BMPR1A: variants seen among roughly 807,000 people sequenced by gnomAD.
The protein encoded by BMPR1A is bone morphogenetic protein receptor type-1A.
A neutral mutation model predicts 66.0 loss-of-function variants in BMPR1A; 7 were observed. The observed-to-expected ratio is 0.11, with a 90% CI of 0.06 to 0.20. The LOEUF (loss-of-function observed/expected upper bound fraction) is 0.20, where lower values mean the gene tolerates loss of function less well. BMPR1A is among the 10% of genes least tolerant of loss of function. BMPR1A has a pLI of 1.00. For synonymous variants in BMPR1A, 200 were observed against 229.7 expected, an observed-to-expected ratio of 0.87 and a Z score of 1.17; for missense variants, 408 against 669.1, an observed-to-expected ratio of 0.61 and a Z score of 4.31.
intron 1 of BMPR1A, among the ~76,000 whole-genome samples, chr10:86,812,456 T>C (rs966395249): frequency 6.6e-6 from 1 of 152,220 alleles, no homozygotes; most frequent in African/African-American, 2.4e-5. Context: ...TTGGCGATGA[T>C]GAATAGAGCT....
chr10:86,906,453 CT>C (rs1234449209), intron 7 of BMPR1A, among the ~76,000 whole-genome samples: 117 of 40,200 alleles, frequency 2.9e-3, no homozygotes, highest in African/African-American at 9.7e-3. Flanking sequence ...GGCGCGGTGG[CT>C]CACGCCTGTA....
chr10:86,787,435 G>A (rs191846530), intron 1 of BMPR1A, among the ~76,000 whole-genome samples: 2 of 152,284 alleles, frequency 1.3e-5, no homozygotes, highest in Admixed American at 1.3e-4. Flanking sequence ...TATTTGTAGG[G>A]TAAGTAATTA....
At chr10:86,912,457 A>T (rs1417291897) in intron 8 of BMPR1A, 73 bp downstream of exon 8, 17 of 1,554,892 alleles carry the variant, frequency 1.1e-5, no homozygotes, top group Non-Finnish European at 1.5e-5. Context: ...TGGACAGTAT[A>T]ATTATTGCAG....
In BMPR1A at chr10:86,851,467, C is replaced by T. The variant is rs570806408; in HGVS notation, c.-153+12488C>T. On this transcript the variant is annotated intron_variant, in intron 2 of 12. Transcript: ENST00000372037. ...GGAGGAATCATGTCTCTTTTATTTA[C>T]CGTTGGATAGTCACTACATGGCACA... 2.0e-3 allele frequency among the ~76,000 whole-genome samples: 301 copies of T among 152,148 alleles called. 1 individual carries two copies. Among genetic ancestry groups the T allele is most frequent in the Non-Finnish European group, 3.1e-3 (213 of 68,022 alleles).
At chr10:86,760,188 GTTT>G (rs58326501) in intron 1 of BMPR1A, among the ~76,000 whole-genome samples, 18 of 53,368 alleles carry the variant, frequency 3.4e-4, no homozygotes, top group Admixed American at 1.1e-3. Context: ...AGATTTACCT[GTTT>G]TTTTTTTTTT....
intron 2 of BMPR1A, among the ~76,000 whole-genome samples, chr10:86,840,784 G>C (rs1287616256): frequency 6.6e-6 from 1 of 151,960 alleles, no homozygotes; most frequent in Non-Finnish European, 1.5e-5. Context: ...GTGCTGTTTC[G>C]GATTCCTCAT....
chr10:86,902,552 A>G (rs1014568072), intron 7 of BMPR1A, among the ~76,000 whole-genome samples: 1 of 152,188 alleles, frequency 6.6e-6, no homozygotes, highest in Non-Finnish European at 1.5e-5. Context: ...GATAAAACCT[A>G]AAAATACTGC....
At chr10:86,902,605 T>C (rs900210784) in intron 7 of BMPR1A, among the ~76,000 whole-genome samples, 3 of 152,192 alleles carry the variant, frequency 2.0e-5, no homozygotes, top group African/African-American at 7.2e-5. Context: ...TATCTTACAG[T>C]GAAGCTTGTA....
chr10:86,899,707 A>G (rs751427468), intron 5 of BMPR1A, 87 bp from the exon 6 acceptor site: 46 of 1,361,312 alleles, frequency 3.4e-5, no homozygotes, highest in Middle Eastern at 4.0e-4. Context: ...ACTCACTGAA[A>G]TAGAAATTGT....
At chr10:86,820,740 C>T (rs1842110377) in intron 1 of BMPR1A, among the ~76,000 whole-genome samples, 1 of 152,206 alleles carries the variant, frequency 6.6e-6, no homozygotes, top group African/African-American at 2.4e-5. Context: ...GTCACTGTTT[C>T]ATATACTTCT....
At chr10:86,763,375 A>C (rs552505835) in intron 1 of BMPR1A, among the ~76,000 whole-genome samples, 79 of 152,340 alleles carry the variant, frequency 5.2e-4, no homozygotes, top group African/African-American at 1.7e-3. Context: ...GTACCTATTC[A>C]ATCACGGATG....
intron 7 of BMPR1A, among the ~76,000 whole-genome samples, chr10:86,906,411 A>G (rs1843388078): frequency 1.0e-5 from 1 of 96,382 alleles, no homozygotes; most frequent in Non-Finnish European, 1.9e-5. Context: ...ATTATCTACT[A>G]TTTTTTTTAA....
At chr10:86,823,705 G>GAC (rs1206416562) in intron 1 of BMPR1A, among the ~76,000 whole-genome samples, 1 of 152,152 alleles carries the variant, frequency 6.6e-6, no homozygotes, top group Non-Finnish European at 1.5e-5. Context: ...ATACATTGGT[G>GAC]ATCCTGCTTC....
At chr10:86,866,996 G>A (rs752082018) in intron 2 of BMPR1A, among the ~76,000 whole-genome samples, 4 of 152,118 alleles carry the variant, frequency 2.6e-5, no homozygotes, top group Non-Finnish European at 4.4e-5. Flanking sequence ...CAGTGACAAT[G>A]GGATGCTAAG....
chr10:86,912,690 G>A lies in BMPR1A; in HGVS notation c.675+306G>A, dbSNP rs538823389. Among the ~76,000 whole-genome samples the A allele has an allele frequency of 7.2e-5, 11 of 152,312 alleles. No homozygotes were observed. In the East Asian group the frequency reaches 1.5e-3, roughly 21 times the overall value. ...ATGAAAGGCAAGAGTTAGCTCACAA[G>A]TTTTGCTCTAAGCATTTTACCAGCC... On this transcript the variant is annotated intron_variant, in intron 8 of 12. Transcript: ENST00000372037.
At chr10:86,807,405 G>C (rs1478785558) in intron 1 of BMPR1A, among the ~76,000 whole-genome samples, 2 of 152,122 alleles carry the variant, frequency 1.3e-5, no homozygotes, top group African/African-American at 4.8e-5. Flanking sequence ...ATCTGACACA[G>C]AATCTCTCTC....
At chr10:86,861,343 T>C (rs1009016564) in intron 2 of BMPR1A, among the ~76,000 whole-genome samples, 1 of 152,196 alleles carries the variant, frequency 6.6e-6, no homozygotes, top group Non-Finnish European at 1.5e-5. Context: ...TTTGTAAGAT[T>C]TTAGTTTTCT....
At chr10:86,832,264 G>A (rs1228239755) in intron 1 of BMPR1A, among the ~76,000 whole-genome samples, 3 of 152,064 alleles carry the variant, frequency 2.0e-5, no homozygotes, top group African/African-American at 4.8e-5. Flanking sequence ...TCAGGAATTC[G>A]AGATGAGCCT....
At chr10:86,755,872 T>A (rs1383451455), upstream of BMPR1A, 1 of 151,868 alleles carries the variant, frequency 6.6e-6, no homozygotes, top group South Asian at 2.1e-4. Context: ...GAAGCCGCTC[T>A]CCCCGGCAGA....
Sources: allele counts gnomAD v4.1 joint callset (sites outside exome capture counted in the v4.1 genomes callset), GRCh38; gene constraint gnomAD v4.1.1; transcripts MANE v1.5; gene names NCBI Gene and HGNC (gene_info 2026-07-23, HGNC 2026-07-21).